NAV3: variants seen among roughly 807,000 people sequenced by gnomAD.
NAV3 encodes the protein pore membrane and/or filament interacting like protein 1.
In NAV3, 87 loss-of-function variants were observed where a neutral mutation model predicts 244.7. That is an observed-to-expected ratio of 0.36 (90% CI 0.30 to 0.42). NAV3 has a LOEUF of 0.42. Among genes scored for constraint, NAV3 ranks in the 20% least tolerant of loss-of-function variants. The pLI, the probability that NAV3 is intolerant of heterozygous loss-of-function variation, is 1.00. For synonymous variants in NAV3, 1,126 were observed against 1,042.2 expected, an observed-to-expected ratio of 1.08 and a Z score of -1.55; for missense variants, 2,663 against 2,893.3, an observed-to-expected ratio of 0.92 and a Z score of 1.83.
chr12:77,787,196 C>T (rs1309435097), intron 2 of NAV3, among the ~76,000 whole-genome samples: 1 of 151,990 alleles, frequency 6.6e-6, no homozygotes, highest in Non-Finnish European at 1.5e-5. Context: ...ACTGATGTGA[C>T]CAACATATTT....
chr12:77,688,045 A>T (rs957375028), intron 2 of NAV3, among the ~76,000 whole-genome samples: 3 of 152,110 alleles, frequency 2.0e-5, no homozygotes, highest in Non-Finnish European at 4.4e-5. Context: ...TATCATAGCC[A>T]ATTAAGACCC....
At chr12:77,930,320 T>C (rs1486828402) in intron 1 of NAV3, among the ~76,000 whole-genome samples, 1 of 152,166 alleles carries the variant, frequency 6.6e-6, no homozygotes, top group Non-Finnish European at 1.5e-5. Context: ...ACCAGACTAA[T>C]ACTAGCCTAG....
chr12:77,799,356 T>G (rs1437011031), intron 2 of NAV3, among the ~76,000 whole-genome samples: 1 of 152,238 alleles, frequency 6.6e-6, no homozygotes, highest in Non-Finnish European at 1.5e-5. Flanking sequence ...TTCATTAATA[T>G]TCATGCTCAT....
At chr12:77,775,256 G>A (rs892362336) in intron 2 of NAV3, among the ~76,000 whole-genome samples, 1 of 151,962 alleles carries the variant, frequency 6.6e-6, no homozygotes, top group Admixed American at 6.6e-5. Context: ...GCCAGGCATG[G>A]TGGTTCATGC....
chr12:77,681,099 A>G (rs1874432527), intron 2 of NAV3, among the ~76,000 whole-genome samples: 1 of 152,156 alleles, frequency 6.6e-6, no homozygotes, highest in Non-Finnish European at 1.5e-5. Flanking sequence ...TAGGGTTAGC[A>G]GCTTGAAGAT....
At chr12:78,012,518 C>G (rs1875485309) in intron 8 of NAV3, among the ~76,000 whole-genome samples, 1 of 152,114 alleles carries the variant, frequency 6.6e-6, no homozygotes, top group African/African-American at 2.4e-5. Flanking sequence ...ATCCCCACAG[C>G]CACATGCAGT....
chr12:77,952,851 T>C (rs1417079915), intron 3 of NAV3, among the ~76,000 whole-genome samples: 1 of 152,156 alleles, frequency 6.6e-6, no homozygotes, highest in Non-Finnish European at 1.5e-5. Flanking sequence ...TTTATAAATT[T>C]TATGGTAAAA....
chr12:77,989,562 G>T (rs1462554383), intron 5 of NAV3, among the ~76,000 whole-genome samples: 5 of 152,120 alleles, frequency 3.3e-5, no homozygotes, highest in Admixed American at 6.6e-5. Context: ...TGTAGCAACA[G>T]GCCAGTGACT....
At position 78,200,531 on chromosome 12, in the gene NAV3, G is replaced by A. The variant is rs2140031144; in HGVS notation, c.6774G>A (p.Met2258Ile). The A allele has an allele frequency of 6.2e-7, 1 of 1,603,040 alleles. No homozygotes were observed. The highest frequency in any genetic ancestry group is 1.3e-5 in the African/African-American group (1 of 74,576). Residue 2258 changes from methionine to isoleucine, a missense_variant, in exon 38 of 40, where the codon ATG (methionine) becomes ATA (isoleucine). Met to Ile is a conservative substitution (Grantham distance 10). Around this residue, in one of 6 missense-constraint regions of NAV3, gnomAD observed 543 missense variants for 672.4 expected, o/e 0.81. Transcript: ENST00000397909. ...TAGAAGGTTCTAGAGTATGGTTCAT[G>A]GATCTCTGGAACTATTCTTTAGTAC... is the stretch of plus-strand genomic sequence containing the variant. ...MDVEGSRVWF[M>I]DLWNYSLVPY...
chr12:77,913,592 A>G (rs1886835777), intron 1 of NAV3, among the ~76,000 whole-genome samples: 1 of 152,018 alleles, frequency 6.6e-6, no homozygotes, highest in Non-Finnish European at 1.5e-5. Context: ...TTCATTCAGG[A>G]AATTTTGACC....
intron 2 of NAV3, among the ~76,000 whole-genome samples, chr12:77,755,607 CTCCCTCCTTCCTTCCT>C (rs1249903883): frequency 3.4e-5 from 2 of 58,198 alleles, no homozygotes; most frequent in Non-Finnish European, 7.0e-5. Flanking sequence ...CCCTCCCTCC[CTCCCTCCTTCCTTCCT>C]TCCTTCCTTC....
intron 2 of NAV3, among the ~76,000 whole-genome samples, chr12:77,642,656 A>G (rs753763067): frequency 2.0e-5 from 3 of 152,092 alleles, no homozygotes; most frequent in Non-Finnish European, 2.9e-5. Context: ...GTTGCTGTGC[A>G]GTTTAAAAGA....
chr12:78,089,793 A>C (rs1240888249), intron 12 of NAV3, among the ~76,000 whole-genome samples: 2 of 152,126 alleles, frequency 1.3e-5, no homozygotes, highest in African/African-American at 2.4e-5. Context: ...CTAACTCATA[A>C]AGAATAATTT....
At chr12:78,106,908 C>A (rs1049993062) in intron 12 of NAV3, among the ~76,000 whole-genome samples, 2 of 152,188 alleles carry the variant, frequency 1.3e-5, no homozygotes, top group Admixed American at 1.3e-4. Context: ...CTGTTAATAA[C>A]CACACCCTAA....
intron 22 of NAV3, among the ~76,000 whole-genome samples, chr12:78,158,039 T>C (rs1263783123): frequency 1.3e-5 from 2 of 152,164 alleles, no homozygotes; most frequent in Non-Finnish European, 2.9e-5. Context: ...ATGGAATATA[T>C]TTCCGTTATT....
chr12:77,998,609 A>G, intron 7 of NAV3, 133 bp downstream of exon 7: 1 of 883,630 alleles, frequency 1.1e-6, no homozygotes, highest in Non-Finnish European at 1.6e-6. Flanking sequence ...TATGTTTCCT[A>G]ACTGTCCCCT....
At chr12:77,594,031 G>C (rs531860793) in intron 2 of NAV3, among the ~76,000 whole-genome samples, 1 of 151,714 alleles carries the variant, frequency 6.6e-6, no homozygotes, top group African/African-American at 2.4e-5. Context: ...TCTCATTTTC[G>C]CAGGTCTACT....
intron 2 of NAV3, among the ~76,000 whole-genome samples, chr12:77,767,315 A>G (rs1366197604): frequency 2.6e-5 from 4 of 152,210 alleles, no homozygotes; most frequent in African/African-American, 9.6e-5. Context: ...TAATGATGTC[A>G]TAGGATCCTT....
chr12:77,813,251 T>C (rs1340033196), intron 2 of NAV3, among the ~76,000 whole-genome samples: 1 of 152,172 alleles, frequency 6.6e-6, no homozygotes, highest in African/African-American at 2.4e-5. Flanking sequence ...CAACATTGAT[T>C]ACTCATTCAT....
Sources: gnomAD v4.1 joint callset for allele counts (sites outside exome capture counted in the v4.1 genomes callset) on GRCh38, gnomAD v4.1.1 for gene constraint, gnomAD v4.1.1 regional missense constraint, MANE v1.5 for transcripts, NCBI Gene and HGNC (gene_info 2026-07-23, HGNC 2026-07-21) for gene names.